Variants in MAPK8 observed in about 807,000 individuals in gnomAD.
The protein encoded by MAPK8 is JUN N-terminal kinase.
Under a neutral mutation model 52.9 loss-of-function variants are expected in MAPK8, and 13 were observed. The observed-to-expected ratio is 0.25, with a 90% CI of 0.16 to 0.39. The LOEUF (loss-of-function observed/expected upper bound fraction) is 0.39. Ranked by LOEUF, MAPK8 falls within the 10% of genes least tolerant of loss-of-function variation. The pLI is 1.00. For synonymous variants in MAPK8, 191 were observed against 169.8 expected, an observed-to-expected ratio of 1.12 and a Z score of -0.97; for missense variants, 300 against 519.2, an observed-to-expected ratio of 0.58 and a Z score of 4.10.
At chr10:48,321,089 G>GTTTTT (rs34616108) in intron 1 of MAPK8, among the ~76,000 whole-genome samples, 11 of 93,992 alleles carry the variant, frequency 1.2e-4, no homozygotes, top group African/African-American at 3.5e-4. Flanking sequence ...CGTTGTAAGA[G>GTTTTT]TTTTTTTTTT....
intron 1 of MAPK8, among the ~76,000 whole-genome samples, chr10:48,394,301 A>C (rs1052113060): frequency 3.3e-5 from 5 of 151,968 alleles, no homozygotes; most frequent in African/African-American, 1.2e-4. Context: ...ATATGAAAGA[A>C]AACTACAGTC....
At chr10:48,405,076 T>C (rs2133026381) in intron 3 of MAPK8, 95 bp downstream of exon 3, 2 of 607,462 alleles carry the variant, frequency 3.3e-6, no homozygotes, top group Non-Finnish European at 5.4e-6. Context: ...GGGCTTTAAA[T>C]TGTTCTGTAT....
intron 3 of MAPK8, among the ~76,000 whole-genome samples, chr10:48,406,737 G>A (rs1761788053): frequency 6.6e-6 from 1 of 152,066 alleles, no homozygotes; most frequent in South Asian, 2.1e-4. Context: ...AGCATCTCTG[G>A]TTTTTCTCAT....
chr10:48,397,314 AT>A lies in MAPK8; in HGVS notation c.-49-4288del, dbSNP rs920723689. On this transcript the variant is annotated intron_variant, in intron 1 of 11. Transcript: ENST00000374189. ...TAGATGTGCACTACTACTGTGGCAG[AT>A]TTTTTTTTTCTTTCATTTTTTATAG... Among the ~76,000 whole-genome samples the A allele has an allele frequency of 9.8e-4, 147 of 149,530 alleles. 1 individual carries two copies. The highest frequency in any genetic ancestry group is 3.5e-3 in the Middle Eastern group (1 of 288).
chr10:48,371,055 A>G (rs150811198), intron 1 of MAPK8, among the ~76,000 whole-genome samples: 48 of 152,240 alleles, frequency 3.2e-4, no homozygotes, highest in African/African-American at 1.0e-3. Context: ...GTGGCTTTCC[A>G]GAGGGTTTAG....
chr10:48,390,598 C>T (rs1401545122), intron 1 of MAPK8, among the ~76,000 whole-genome samples: 1 of 152,178 alleles, frequency 6.6e-6, no homozygotes, highest in Admixed American at 6.5e-5. Flanking sequence ...TTTTATGTAA[C>T]TAGTTTAACC....
At position 48,437,830 on chromosome 10, in the gene MAPK8, AAAG is replaced by A. The variant is rs2133431585; in HGVS notation, c.*2805_*2807del. 1 of 152,400 alleles carries A rather than the reference AAAG, an allele frequency of 6.6e-6. No individual in the cohort carries two copies. Among genetic ancestry groups the A allele is most frequent in the Admixed American group, 6.5e-5 (1 of 15,300 alleles). 9.4% of individuals were successfully genotyped at this position (152,400 alleles called of 1,614,324 possible). A position where few individuals can be genotyped will look rare whatever the true frequency, so the allele number is the denominator to read the frequency against. On this transcript the variant is annotated 3_prime_UTR_variant, in exon 12 of 12. Transcript: ENST00000374189. ...CTACACACAACCCCCTTAACAATCC[AAAG>A]AAGCTTGATGGTGTGCAAAGAAGCA...
chr10:48,350,382 A>G (rs886621088), intron 1 of MAPK8, among the ~76,000 whole-genome samples: 1 of 152,242 alleles, frequency 6.6e-6, no homozygotes, highest in Non-Finnish European at 1.5e-5. Context: ...AAATCCTGGC[A>G]AACCAAATCC....
chr10:48,418,859 G>A (rs556178235), intron 5 of MAPK8, among the ~76,000 whole-genome samples: 1 of 152,180 alleles, frequency 6.6e-6, no homozygotes, highest in Admixed American at 6.5e-5. Context: ...TCACAATGAA[G>A]TGCTTGAAAT....
At chr10:48,337,484 A>G (rs1163498961) in intron 1 of MAPK8, among the ~76,000 whole-genome samples, 1 of 152,106 alleles carries the variant, frequency 6.6e-6, no homozygotes, top group Non-Finnish European at 1.5e-5. Flanking sequence ...TTTAGTGCTA[A>G]ATTCCTACAT....
chr10:48,356,228 G>A (rs756456995), intron 1 of MAPK8, among the ~76,000 whole-genome samples: 23 of 152,130 alleles, frequency 1.5e-4, no homozygotes, highest in Non-Finnish European at 2.4e-4. Context: ...ATGATAGCAC[G>A]TAAGTCAGAA....
At chr10:48,367,414 T>TA (rs1848152824) in intron 1 of MAPK8, among the ~76,000 whole-genome samples, 1 of 150,874 alleles carries the variant, frequency 6.6e-6, no homozygotes, top group South Asian at 2.1e-4. Flanking sequence ...CATATATATG[T>TA]TTACATATAT....
chr10:48,425,204 C>G, intron 7 of MAPK8: 1 of 765,770 alleles, frequency 1.3e-6, no homozygotes, highest in Non-Finnish European at 2.4e-6. Context: ...AAGGCATATT[C>G]ACAAGGTTAC....
chr10:48,399,144 A>G (rs1439502210), intron 1 of MAPK8, among the ~76,000 whole-genome samples: 1 of 152,162 alleles, frequency 6.6e-6, no homozygotes, highest in Non-Finnish European at 1.5e-5. Context: ...CTTCTTTGAC[A>G]TCCTGCCGCT....
At chr10:48,371,282 T>C (rs548421667) in intron 1 of MAPK8, among the ~76,000 whole-genome samples, 1 of 152,278 alleles carries the variant, frequency 6.6e-6, no homozygotes, top group East Asian at 1.9e-4. Context: ...AATTTGTTAA[T>C]GCCTCAGGAG....
At position 48,404,864 on chromosome 10, in the gene MAPK8, T is replaced by C; in HGVS notation, c.135T>C (p.Asp45=). ...GAQGIVCAAY[D]AILERNVAIK... ...TTTCTTATTACAGCGCAGCTTATGA[T>C]GCCATTCTTGAAAGAAATGTTGCAA... is the stretch of plus-strand genomic sequence containing the variant. The change falls in exon 3 of 12, where the codon GAT becomes GAC. Residue 45 remains aspartate (D), a synonymous_variant. Coordinates refer to ENST00000374189, the MANE Select transcript of MAPK8 (RefSeq NM_001323329.2). The C allele has an allele frequency of 1.9e-6, 3 of 1,600,644 alleles. No individual in the cohort carries two copies. The highest frequency in any genetic ancestry group is 2.6e-6 in the Non-Finnish European group (3 of 1,174,608).
At chr10:48,386,833 T>TACTTTAAAGTAAGTAGCCA (rs1249095629) in intron 1 of MAPK8, among the ~76,000 whole-genome samples, 3 of 152,176 alleles carry the variant, frequency 2.0e-5, no homozygotes, top group Non-Finnish European at 2.9e-5. Flanking sequence ...GCCAGAAACA[T>TACTTTAAAGTAAGTAGCCA]GTACTTACTT....
chr10:48,365,726 T>A (rs1290326822), intron 1 of MAPK8, among the ~76,000 whole-genome samples: 2 of 152,152 alleles, frequency 1.3e-5, no homozygotes, highest in Non-Finnish European at 2.9e-5. Context: ...ATCCTAGCCA[T>A]TTTATTATTA....
chr10:48,348,038 C>T (rs1845955199), intron 1 of MAPK8, among the ~76,000 whole-genome samples: 1 of 152,234 alleles, frequency 6.6e-6, no homozygotes, highest in African/African-American at 2.4e-5. Context: ...TCCTATTTCT[C>T]CACATCCTCT....
Sources: gnomAD v4.1 joint callset for allele counts (sites outside exome capture counted in the v4.1 genomes callset) on GRCh38, gnomAD v4.1.1 for gene constraint, MANE v1.5 for transcripts, NCBI Gene and HGNC (gene_info 2026-07-23, HGNC 2026-07-21) for gene names.